Variants in PCNX2 observed in about 807,000 individuals in gnomAD.
PCNX2 encodes the protein pecanex-like protein 2.
PCNX2 carries 168 observed loss-of-function variants against 223.8 expected under a neutral mutation model. The observed-to-expected ratio is 0.75, with a 90% CI of 0.66 to 0.85. PCNX2 has a LOEUF of 0.85. Among genes scored for constraint, PCNX2 ranks in the 40% least tolerant of loss-of-function variants. The probability of loss-of-function intolerance (pLI) is 0.00; values close to 1 mark genes in which losing one functional copy is unlikely to be tolerated. For synonymous variants in PCNX2, 1,006 were observed against 1,052.6 expected (o/e 0.96, Z 0.86); for missense variants, 2,507 against 2,675.5 (o/e 0.94, Z 1.39).
intron 23 of PCNX2, among the ~76,000 whole-genome samples, chr1:233,068,984 T>C (rs993159584): frequency 1.4e-4 from 22 of 152,148 alleles, no homozygotes; most frequent in African/African-American, 5.1e-4. Flanking sequence ...CTACTTCAAA[T>C]ATAGTAACAT....
chr1:233,300,107 A>G (rs769291854), upstream of PCNX2, among the ~76,000 whole-genome samples: 17 of 152,198 alleles, frequency 1.1e-4, no homozygotes, highest in Non-Finnish European at 1.9e-4. Flanking sequence ...ATATCTACAC[A>G]CATGCACATA....
At chr1:233,028,430 G>C (rs892540594) in intron 25 of PCNX2, among the ~76,000 whole-genome samples, 1 of 152,074 alleles carries the variant, frequency 6.6e-6, no homozygotes, top group African/African-American at 2.4e-5. Context: ...GCACATTTAG[G>C]ACTGTTATGT....
intron 19 of PCNX2, among the ~76,000 whole-genome samples, chr1:233,158,939 A>T (rs1351620291): frequency 6.6e-6 from 1 of 152,216 alleles, no homozygotes; most frequent in Non-Finnish European, 1.5e-5. Flanking sequence ...TTTCCTCTAC[A>T]AGTGGACTAA....
intron 13 of PCNX2, among the ~76,000 whole-genome samples, chr1:233,208,033 G>A (rs556137558): frequency 4.0e-5 from 6 of 151,854 alleles, no homozygotes; most frequent in African/African-American, 9.7e-5. Flanking sequence ...TTGGCTCACC[G>A]CAACCTCTGC....
chr1:233,225,630 T>A (rs1381082241), intron 10 of PCNX2, among the ~76,000 whole-genome samples: 1 of 152,252 alleles, frequency 6.6e-6, no homozygotes, highest in Non-Finnish European at 1.5e-5. Flanking sequence ...ATCCTCATCA[T>A]CCTTCCTAGA....
intron 15 of PCNX2, among the ~76,000 whole-genome samples, chr1:233,184,025 A>G (rs999684626): frequency 2.6e-5 from 4 of 152,202 alleles, no homozygotes; most frequent in African/African-American, 9.7e-5. Context: ...CAATAAACAC[A>G]AAACGTTTTC....
intron 17 of PCNX2, among the ~76,000 whole-genome samples, chr1:233,164,142 C>T (rs1000069360): frequency 3.9e-5 from 6 of 152,128 alleles, no homozygotes; most frequent in Admixed American, 6.5e-5. Flanking sequence ...GGGCAAAGGA[C>T]GTGAATAGAA....
chr1:233,227,344 A>G lies in PCNX2; in HGVS notation c.2386T>C (p.Ser796Pro). 6.2e-7 allele frequency: 1 copy of G among 1,613,662 alleles called. No homozygotes were observed. Residue 796 changes from serine to proline, a missense_variant, in exon 10 of 34, where the codon TCA (serine) becomes CCA (proline). Ser to Pro is a moderately conservative substitution (Grantham distance 74). Around this residue, in one of 3 missense-constraint regions of PCNX2, gnomAD observed 1,031 missense variants for 1,021.7 expected, o/e 1.01. Transcript: ENST00000258229. ...AATTTTCCTTGTGTTGAAGAACATG[A>G]CGAGGCTTCCAGATCCTGACTCACA... ...RHVSQDLEASSCSSTQGKFNR... is the reference protein window; with the variant it reads ...RHVSQDLEASPCSSTQGKFNR...
intron 19 of PCNX2, among the ~76,000 whole-genome samples, chr1:233,148,231 G>T (rs965462722): frequency 6.6e-6 from 1 of 152,060 alleles, no homozygotes; most frequent in African/African-American, 2.4e-5. Context: ...TCATCCCAAG[G>T]CACGGTTTTC....
intron 25 of PCNX2, among the ~76,000 whole-genome samples, chr1:233,040,839 C>G (rs1472596429): frequency 2.6e-5 from 4 of 152,228 alleles, no homozygotes; most frequent in Admixed American, 6.5e-5. Flanking sequence ...GTCATTCCCA[C>G]AGTGATAACC....
At chr1:233,310,687 C>T in the PCNX2 span, among the ~76,000 whole-genome samples, 9 of 152,216 alleles carry the variant, frequency 5.9e-5, no homozygotes, top group African/African-American at 2.2e-4. Context: ...TAAAGGAATA[C>T]CTGAGGCTGG....
At position 233,241,137 on chromosome 1, in the gene PCNX2, A is replaced by G. The variant is rs946365811; in HGVS notation, c.2223-4157T>C. On this transcript the variant is annotated intron_variant, in intron 8 of 33. Transcript: ENST00000258229. ...ACTGTTCTGAAAACCATAACCTGTT[A>G]TTTTGAATTTTAACAGGGATTCTTG... The G allele has an allele frequency of 5.1e-6, 5 of 972,552 alleles. No homozygotes were observed. The Admixed American group carries it at 3.1e-4, about 60-fold the overall frequency. The allele number at this position is 972,552 out of a possible 1,614,324, so 60.2% of individuals were successfully genotyped here.
At chr1:233,217,258 T>C (rs926924203) in intron 12 of PCNX2, among the ~76,000 whole-genome samples, 5 of 152,186 alleles carry the variant, frequency 3.3e-5, no homozygotes, top group Non-Finnish European at 7.4e-5. Context: ...GTTATAGATA[T>C]GTCAAACAGC....
intron 19 of PCNX2, among the ~76,000 whole-genome samples, chr1:233,148,553 A>G (rs1677601906): frequency 6.6e-6 from 1 of 151,534 alleles, no homozygotes; most frequent in Non-Finnish European, 1.5e-5. Context: ...TGAGTGTGCC[A>G]CTACGCCAGG....
the PCNX2 span, among the ~76,000 whole-genome samples, chr1:233,308,299 A>C: frequency 6.6e-6 from 1 of 152,172 alleles, no homozygotes; most frequent in Non-Finnish European, 1.5e-5. Flanking sequence ...TCTTCTAAAA[A>C]TACAAAAAAA....
rs193174691 is a variant in PCNX2 at position 233,065,004 on chromosome 1, A to T, written c.4077-7714T>A. Among the ~76,000 whole-genome samples the T allele has an allele frequency of 1.7e-3, 255 of 151,706 alleles. 1 individual carries two copies. The highest frequency in any genetic ancestry group is 5.2e-3 in the African/African-American group (216 of 41,376). On this transcript the variant is annotated intron_variant, in intron 23 of 33. Coordinates refer to ENST00000258229, the MANE Select transcript of PCNX2 (RefSeq NM_014801.4). ...TTAATTATTAAGTTAAAAAACTAAA[A>T]TTTTTTTTTCATTTTATGTTTATAA...
intron 12 of PCNX2, among the ~76,000 whole-genome samples, chr1:233,216,765 T>C (rs1048714790): frequency 1.3e-5 from 2 of 152,162 alleles, no homozygotes; most frequent in African/African-American, 2.4e-5. Context: ...ACCATGTTCA[T>C]TGCAACACTG....
upstream of PCNX2, among the ~76,000 whole-genome samples, chr1:233,295,998 C>CTTTTTTTTTTTTTTTTTTTTTTT (rs201102619): frequency 2.1e-5 from 2 of 96,902 alleles, no homozygotes; most frequent in East Asian, 3.0e-4. The surrounding 1 kb of genome is among the most constrained non-coding windows in gnomAD (Gnocchi z 4.1). Context: ...TTCTTTCTTT[C>CTTTTTTTTTTTTTTTTTTTTTTT]TTTCTTTTTT....
At chr1:233,195,016 CAAA>C (rs574552463) in intron 15 of PCNX2, among the ~76,000 whole-genome samples, 1 of 63,362 alleles carries the variant, frequency 1.6e-5, no homozygotes. Context: ...GATTCCATCT[CAAA>C]AAAAAAAAAA....
Sources: allele counts gnomAD v4.1 joint callset (sites outside exome capture counted in the v4.1 genomes callset), GRCh38; gene constraint gnomAD v4.1.1; regional missense constraint gnomAD v4.1.1; non-coding constraint Gnocchi (gnomAD v3.1); transcripts MANE v1.5; gene names NCBI Gene and HGNC (gene_info 2026-07-23, HGNC 2026-07-21).